Variants in FAT3 observed in about 807,000 individuals in gnomAD.
FAT3 encodes the protein protocadherin Fat 3.
Under a neutral mutation model 310.2 loss-of-function variants are expected in FAT3, and 95 were observed. The ratio of observed to expected loss-of-function variants is 0.31; its 90% CI spans 0.26 to 0.36. The LOEUF (loss-of-function observed/expected upper bound fraction) is 0.36, where lower values mean the gene tolerates loss of function less well. Ranked by LOEUF, FAT3 falls within the 10% of genes least tolerant of loss-of-function variation. The pLI is 1.00. For synonymous variants in FAT3, 2,314 were observed against 2,192.9 expected (o/e 1.06, Z -1.54); for missense variants, 5,408 against 5,715.6 (o/e 0.95, Z 1.74).
At chr11:92,849,949 G>A (rs1591812769) in intron 19 of FAT3, among the ~76,000 whole-genome samples, 1 of 152,168 alleles carries the variant, frequency 6.6e-6, no homozygotes, top group East Asian at 1.9e-4. Flanking sequence ...CCTTCGGAGG[G>A]ATAAGGTAGG....
chr11:92,571,710 T>A (rs953586375), intron 3 of FAT3, among the ~76,000 whole-genome samples: 2 of 152,230 alleles, frequency 1.3e-5, no homozygotes, highest in Admixed American at 6.5e-5. Flanking sequence ...TGTATGTGTT[T>A]CTCTCTCTGC....
intron 2 of FAT3, among the ~76,000 whole-genome samples, chr11:92,469,475 C>T (rs1370823689): frequency 6.6e-6 from 1 of 151,416 alleles, no homozygotes; most frequent in African/African-American, 2.4e-5. Context: ...CTAGGATTGG[C>T]CTCATCCTTC....
intron 1 of FAT3, among the ~76,000 whole-genome samples, chr11:92,285,721 G>A (rs1190036361): frequency 6.6e-6 from 1 of 152,162 alleles, no homozygotes; most frequent in Non-Finnish European, 1.5e-5. Flanking sequence ...CCTTGCGCAT[G>A]TCCTGTTTTG....
intron 21 of FAT3, among the ~76,000 whole-genome samples, chr11:92,864,940 A>G (rs1014469834): frequency 4.6e-5 from 7 of 152,248 alleles, no homozygotes; most frequent in Admixed American, 3.9e-4. Flanking sequence ...CTAACTGTGT[A>G]TGATGTGGCT....
intron 4 of FAT3, among the ~76,000 whole-genome samples, chr11:92,709,026 G>A (rs1944442884): frequency 6.6e-6 from 1 of 152,180 alleles, no homozygotes; most frequent in Non-Finnish European, 1.5e-5. Context: ...AGGCACCCAA[G>A]CTCCAATAAT....
intron 3 of FAT3, among the ~76,000 whole-genome samples, chr11:92,598,074 G>T (rs1239722658): frequency 6.6e-6 from 1 of 151,812 alleles, no homozygotes; most frequent in South Asian, 2.1e-4. Flanking sequence ...ACATGATTTT[G>T]TCTGTACCAG....
chr11:92,560,261 G>T (rs1374489877), intron 3 of FAT3, among the ~76,000 whole-genome samples: 1 of 152,068 alleles, frequency 6.6e-6, no homozygotes, highest in African/African-American at 2.4e-5. Flanking sequence ...TTGGAGAAAT[G>T]TCTGTTTAAG....
chr11:92,590,911 T>C (rs1047483814), intron 3 of FAT3, among the ~76,000 whole-genome samples: 1 of 152,124 alleles, frequency 6.6e-6, no homozygotes, highest in Non-Finnish European at 1.5e-5. Flanking sequence ...TAAACTGTAC[T>C]AAGTCGATTA....
chr11:92,775,000 A>C (rs1298088800), intron 7 of FAT3, among the ~76,000 whole-genome samples: 1 of 152,110 alleles, frequency 6.6e-6, no homozygotes, highest in Non-Finnish European at 1.5e-5. Context: ...CTTATTTTTT[A>C]GCACCAGAGA....
chr11:92,639,373 G>T (rs916532520), intron 3 of FAT3, among the ~76,000 whole-genome samples: 2 of 152,118 alleles, frequency 1.3e-5, no homozygotes, highest in Admixed American at 1.3e-4. Context: ...GCATACTCAA[G>T]AGCTGGGTGC....
rs572347431 is a variant in FAT3, at chr11:92,528,577, G to A, written c.3607+3629G>A. 2.2e-3 allele frequency among the ~76,000 whole-genome samples: 340 copies of A among 152,216 alleles called. 1 individual carries two copies. The highest frequency in any genetic ancestry group is 7.7e-3 in the African/African-American group (320 of 41,536). On this transcript the variant is annotated intron_variant, in intron 3 of 27. Coordinates refer to ENST00000525166, the MANE Select transcript of FAT3 (RefSeq NM_001367949.2). Reference sequence around the variant, plus strand: ...AATTTTTTGTATTTTTAGTAGAAACGGGGTTTCATCGTGTTAGCCAGGATG... The same window carrying A: ...AATTTTTTGTATTTTTAGTAGAAACAGGGTTTCATCGTGTTAGCCAGGATG...
intron 3 of FAT3, among the ~76,000 whole-genome samples, chr11:92,537,779 T>G (rs1045588955): frequency 6.6e-6 from 1 of 152,170 alleles, no homozygotes; most frequent in Non-Finnish European, 1.5e-5. Flanking sequence ...TTGAAATAGA[T>G]TTCCCTTTAT....
At chr11:92,263,327 C>T (rs1565187580) in intron 1 of FAT3, among the ~76,000 whole-genome samples, 3 of 151,202 alleles carry the variant, frequency 2.0e-5, no homozygotes, top group African/African-American at 4.9e-5. Flanking sequence ...CACACATATA[C>T]ACACACACAC....
chr11:92,574,651 C>G (rs1386063096), intron 3 of FAT3, among the ~76,000 whole-genome samples: 1 of 152,072 alleles, frequency 6.6e-6, no homozygotes, highest in Non-Finnish European at 1.5e-5. Context: ...TTGGCTCTTA[C>G]CTTAATGGGT....
At chr11:92,289,919 A>G (rs1267222864) in intron 1 of FAT3, among the ~76,000 whole-genome samples, 1 of 152,132 alleles carries the variant, frequency 6.6e-6, no homozygotes, top group Admixed American at 6.5e-5. Flanking sequence ...AACTGAGAGT[A>G]AACTTTGCAA....
At position 92,890,014 on chromosome 11, in the gene FAT3, C is replaced by T. The variant is rs757777550; in HGVS notation, c.13147+123C>T. The T allele has an allele frequency of 7.4e-5, 53 of 713,660 alleles. 1 individual carries two copies. Among genetic ancestry groups the T allele is most frequent in the African/African-American group, 1.0e-4 (6 of 57,216 alleles). The allele number at this position is 713,660 out of a possible 1,614,324, so 44.2% of individuals were successfully genotyped here. ...TTTTGCATGTCTCAGGTGTCTCGTG[C>T]GCTCAGTATTGGAGGTGAAAGCTCC... On this transcript the variant is annotated intron_variant, in intron 27 of 27. Coordinates refer to ENST00000525166, the MANE Select transcript of FAT3 (RefSeq NM_001367949.2).
intron 7 of FAT3, among the ~76,000 whole-genome samples, chr11:92,776,195 A>G (rs1032553278): frequency 2.6e-5 from 4 of 152,226 alleles, no homozygotes; most frequent in African/African-American, 9.6e-5. Flanking sequence ...GTTGAATTAA[A>G]TGGTATTCAG....
chr11:92,464,176 CA>C (rs1382215212), intron 2 of FAT3, among the ~76,000 whole-genome samples: 1 of 152,110 alleles, frequency 6.6e-6, no homozygotes. Context: ...TCACCTAGTC[CA>C]AACTGGTGGA....
chr11:92,439,609 C>T (rs1672584091), intron 2 of FAT3, among the ~76,000 whole-genome samples: 2 of 152,064 alleles, frequency 1.3e-5, no homozygotes, highest in South Asian at 2.1e-4. Context: ...ATACATGTCA[C>T]TATCCTCCTA....
Sources: allele counts gnomAD v4.1 joint callset (sites outside exome capture counted in the v4.1 genomes callset), GRCh38; gene constraint gnomAD v4.1.1; transcripts MANE v1.5; gene names NCBI Gene and HGNC (gene_info 2026-07-23, HGNC 2026-07-21).